Variants in EPHA3 observed in about 807,000 individuals in gnomAD.
EPHA3 encodes the protein ephrin type-A receptor 3.
EPHA3 carries 42 observed loss-of-function variants against 107.1 expected under a neutral mutation model. The observed-to-expected ratio is 0.39, with a 90% CI of 0.31 to 0.51. The LOEUF is 0.51. Ranked by LOEUF, EPHA3 falls within the 20% of genes least tolerant of loss-of-function variation. The probability of loss-of-function intolerance (pLI) is 0.78; values close to 1 mark genes in which losing one functional copy is unlikely to be tolerated. For synonymous variants in EPHA3, 461 were observed against 424.8 expected, an observed-to-expected ratio of 1.09 and a Z score of -1.05; for missense variants, 1,183 against 1,211.2, an observed-to-expected ratio of 0.98 and a Z score of 0.35.
At chr3:89,430,602 T>G (rs1489492766) in intron 12 of EPHA3, among the ~76,000 whole-genome samples, 8 of 152,152 alleles carry the variant, frequency 5.3e-5, no homozygotes, top group African/African-American at 1.7e-4. Flanking sequence ...GTGATTTAGT[T>G]TCTTATTGCT....
intron 2 of EPHA3, among the ~76,000 whole-genome samples, chr3:89,160,834 A>G (rs1704920189): frequency 6.6e-6 from 1 of 152,014 alleles, no homozygotes; most frequent in Admixed American, 6.6e-5. Context: ...CAAACCTCAA[A>G]TATTTCTACA....
At chr3:89,293,348 G>T (rs1706263201) in intron 3 of EPHA3, among the ~76,000 whole-genome samples, 1 of 152,036 alleles carries the variant, frequency 6.6e-6, no homozygotes, top group Non-Finnish European at 1.5e-5. Context: ...GCAGAATTTT[G>T]AATGTTGATG....
intron 13 of EPHA3, among the ~76,000 whole-genome samples, chr3:89,444,555 AGT>A (rs1709845155): frequency 6.6e-6 from 1 of 152,136 alleles, no homozygotes; most frequent in African/African-American, 2.4e-5. Flanking sequence ...TGTAGTTAAC[AGT>A]GAGCTTTCCC....
At chr3:89,129,413 C>T (rs1209067695) in intron 2 of EPHA3, among the ~76,000 whole-genome samples, 2 of 151,982 alleles carry the variant, frequency 1.3e-5, no homozygotes, top group Non-Finnish European at 2.9e-5. Context: ...AAAAGAGACA[C>T]TCCCCAATAG....
chr3:89,346,857 C>A (rs202124829), intron 5 of EPHA3, among the ~76,000 whole-genome samples: 18,971 of 143,378 alleles, frequency 0.13, 1,922 homozygotes, highest in Middle Eastern at 0.21. Context: ...TTTGCCAGCA[C>A]CATTTATTAA....
intron 2 of EPHA3, among the ~76,000 whole-genome samples, chr3:89,159,392 G>A (rs1345739509): frequency 6.6e-6 from 1 of 151,938 alleles, no homozygotes; most frequent in Admixed American, 6.6e-5. Context: ...AGTTAGGGAG[G>A]GTACAGTAAG....
At chr3:89,414,674 G>A (rs1034652252) in intron 10 of EPHA3, among the ~76,000 whole-genome samples, 1 of 151,614 alleles carries the variant, frequency 6.6e-6, no homozygotes, top group African/African-American at 2.4e-5. Context: ...CTAAGCCACT[G>A]TCCAAAAGCC....
At chr3:89,447,140 T>A (rs1709891642) in intron 13 of EPHA3, among the ~76,000 whole-genome samples, 1 of 152,166 alleles carries the variant, frequency 6.6e-6, no homozygotes, top group Non-Finnish European at 1.5e-5. Context: ...TCTAGGCATA[T>A]GTAGATGAGT....
At chr3:89,132,806 C>T (rs779100826) in intron 2 of EPHA3, among the ~76,000 whole-genome samples, 6 of 152,178 alleles carry the variant, frequency 3.9e-5, no homozygotes, top group Non-Finnish European at 7.4e-5. Flanking sequence ...GGGAAGATTG[C>T]TTGAGCCCAA....
chr3:89,341,973 A>G lies in EPHA3; in HGVS notation c.1189A>G (p.Thr397Ala). The G allele has an allele frequency of 6.2e-7, 1 of 1,613,342 alleles. No homozygotes were observed. Among genetic ancestry groups the G allele is most frequent in the South Asian group, 1.1e-5 (1 of 90,966 alleles). The change falls in exon 5 of 17, where the codon ACA becomes GCA. Residue 397 changes from threonine (T) to alanine (A), a missense_variant. Transcript: ENST00000336596. ...ACTCACCAACACCACGGTGACAGTG[A>G]CAGACCTTCTGGCACATACTAACTA... is the stretch of plus-strand genomic sequence containing the variant. ...FGLTNTTVTV[T>A]DLLAHTNYTF...
chr3:89,358,418 C>A (rs894925373), intron 5 of EPHA3, among the ~76,000 whole-genome samples: 4 of 150,980 alleles, frequency 2.6e-5, no homozygotes, highest in African/African-American at 9.7e-5. Context: ...AATTACTTGC[C>A]TTTTTCTGTT....
At chr3:89,428,803 T>A (rs1312506569) in intron 11 of EPHA3, among the ~76,000 whole-genome samples, 2 of 152,050 alleles carry the variant, frequency 1.3e-5, no homozygotes, top group Non-Finnish European at 2.9e-5. Flanking sequence ...TGAAGATAAG[T>A]GAGAATTTAA....
chr3:89,142,198 G>A (rs1315207667), intron 2 of EPHA3, among the ~76,000 whole-genome samples: 1 of 151,280 alleles, frequency 6.6e-6, no homozygotes, highest in Non-Finnish European at 1.5e-5. Context: ...ATAGCCTTAG[G>A]AAATGTCTAC....
intron 3 of EPHA3, among the ~76,000 whole-genome samples, chr3:89,216,172 A>G (rs1484672597): frequency 2.6e-5 from 4 of 151,946 alleles, no homozygotes; most frequent in Non-Finnish European, 5.9e-5. Flanking sequence ...ATGGTAATGT[A>G]TGGGTTAATC....
At chr3:89,196,429 GTCATAGATT>G (rs1429486789) in intron 2 of EPHA3, among the ~76,000 whole-genome samples, 7 of 111,832 alleles carry the variant, frequency 6.3e-5, no homozygotes, top group South Asian at 3.0e-4. Context: ...GAGATTTCAA[GTCATAGATT>G]TCAAGTCATC....
chr3:89,316,503 G>GA (rs1706904703), intron 3 of EPHA3, among the ~76,000 whole-genome samples: 1 of 82,580 alleles, frequency 1.2e-5, no homozygotes, highest in Non-Finnish European at 2.3e-5. Context: ...GTGTGTGTGT[G>GA]TAATATATAT....
chr3:89,138,146 T>G (rs1286195497), intron 2 of EPHA3, among the ~76,000 whole-genome samples: 1 of 151,940 alleles, frequency 6.6e-6, no homozygotes, highest in Non-Finnish European at 1.5e-5. Flanking sequence ...CTGTGTATAA[T>G]TCATGATTAA....
chr3:89,127,123 C>A, intron 1 of EPHA3, 86 bp from the exon 2 acceptor site: 2 of 1,015,768 alleles, frequency 2.0e-6, no homozygotes, highest in East Asian at 2.4e-5. Context: ...TGAGCAACAT[C>A]AACAACAGAC....
chr3:89,215,917 A>T (rs1207097124), intron 3 of EPHA3, among the ~76,000 whole-genome samples: 1 of 151,978 alleles, frequency 6.6e-6, no homozygotes, highest in African/African-American at 2.4e-5. Flanking sequence ...GTATACTTCT[A>T]AAGCTCTAAT....
Sources: gnomAD v4.1 joint callset for allele counts (sites outside exome capture counted in the v4.1 genomes callset) on GRCh38, gnomAD v4.1.1 for gene constraint, MANE v1.5 for transcripts, NCBI Gene and HGNC (gene_info 2026-07-23, HGNC 2026-07-21) for gene names.